Variants in FAM111B observed in about 807,000 individuals in gnomAD.
FAM111B encodes FAM111 trypsin like peptidase B, also known as serine protease FAM111B.
FAM111B carries 1 observed loss-of-function variant against 2.8 expected under a neutral mutation model. The ratio of observed to expected loss-of-function variants is 0.36; its 90% CI spans 0.13 to 1.70. The LOEUF (loss-of-function observed/expected upper bound fraction) is 1.70, where lower values mean the gene tolerates loss of function less well. Among genes scored for constraint, FAM111B ranks in the 40% most tolerant of loss-of-function variants. The pLI is 0.35. For missense variants in FAM111B, 882 were observed against 878.9 expected (o/e 1.00, Z -0.04); for synonymous variants, 297 against 295.6 (o/e 1.00, Z -0.05).
intron 3 of FAM111B, among the ~76,000 whole-genome samples, chr11:59,114,835 T>C (rs925066534): frequency 1.3e-5 from 2 of 152,046 alleles, no homozygotes; most frequent in African/African-American, 4.8e-5. Context: ...CGTGTGTGTG[T>C]GTGTTTTGAT....
In FAM111B at chr11:59,126,268, TTCAAGA is replaced by T. The variant is rs1326615073; in HGVS notation, c.2175_2180del (p.Gln725_Asp726del). 2 of 1,566,516 alleles carry T rather than the reference TTCAAGA, an allele frequency of 1.3e-6. No homozygotes were observed. Among genetic ancestry groups the T allele is most frequent in the African/African-American group, 2.8e-5 (2 of 72,582 alleles). On this transcript the variant is annotated inframe_deletion, in exon 4 of 4. Coordinates refer to ENST00000343597, the MANE Select transcript of FAM111B (RefSeq NM_198947.4). Reference sequence around the variant, plus strand: ...GAGAAAGGTAAACAAGAGTCATCACTTCAAGATCATCAGATTGAACCCATGGAATGT... The same window carrying T: ...GAGAAAGGTAAACAAGAGTCATCACTTCATCAGATTGAACCCATGGAATGT...
rs373339794 is a variant in FAM111B, at chr11:59,115,207, C to T, written c.81+5501C>T. 1.4e-3 allele frequency among the ~76,000 whole-genome samples: 211 copies of T among 152,222 alleles called. 4 individuals are homozygous for T. The South Asian group carries it at 0.04, about 29-fold the overall frequency. ...CTTTCTTTATGCTATTCTTCTTTCC[C>T]CAATCCTGGCCAGGCTTAGAAGTAG... is the stretch of plus-strand genomic sequence containing the variant. On this transcript the variant is annotated intron_variant, in intron 3 of 3. Transcript: ENST00000343597.
chr11:59,114,348 G>A (rs1412263025), intron 3 of FAM111B, among the ~76,000 whole-genome samples: 1 of 152,176 alleles, frequency 6.6e-6, no homozygotes, highest in Non-Finnish European at 1.5e-5. Context: ...GATGCTTGAA[G>A]GGATAGAAGA....
chr11:59,115,790 G>T (rs1202715798), intron 3 of FAM111B, among the ~76,000 whole-genome samples: 1 of 152,180 alleles, frequency 6.6e-6, no homozygotes, highest in East Asian at 1.9e-4. Flanking sequence ...AAGCAATGAG[G>T]TAAAGTCCTG....
rs566450561 is a variant in FAM111B at position 59,107,680 on chromosome 11, C to T, written c.-132+384C>T. Among the ~76,000 whole-genome samples, 5 of 152,244 alleles carry T rather than the reference C, an allele frequency of 3.3e-5. 1 individual carries two copies. The South Asian group carries it at 1.0e-3, about 32-fold the overall frequency. On this transcript the variant is annotated intron_variant, in intron 1 of 3. Coordinates refer to ENST00000343597, the MANE Select transcript of FAM111B (RefSeq NM_198947.4). ...CCTGGAGTGTAGTGTGAGGGTGCTT[C>T]TTAAGGTCTTTTAGGGCAGGTAGTT...
chr11:59,120,647 C>CA (rs1859906611), intron 3 of FAM111B, among the ~76,000 whole-genome samples: 3 of 152,108 alleles, frequency 2.0e-5, no homozygotes, highest in African/African-American at 7.2e-5. Flanking sequence ...TGTAGTTGGC[C>CA]ATGTTTTTCC....
intron 3 of FAM111B, among the ~76,000 whole-genome samples, chr11:59,110,297 G>A (rs1288928151): frequency 6.6e-6 from 1 of 152,088 alleles, no homozygotes; most frequent in African/African-American, 2.4e-5. Flanking sequence ...TTCAGACTTA[G>A]GAAACTACAG....
chr11:59,107,642 C>T (rs1451681641), intron 1 of FAM111B, among the ~76,000 whole-genome samples: 1 of 152,142 alleles, frequency 6.6e-6, no homozygotes, highest in East Asian at 1.9e-4. Flanking sequence ...TAGGAGAGCT[C>T]CTGCTCAAAG....
rs1399002489 is a variant in FAM111B at position 59,124,758 on chromosome 11, A to G, written c.661A>G (p.Ile221Val). 1.2e-6 allele frequency: 2 copies of G among 1,613,758 alleles called. No individual in the cohort carries two copies. Among genetic ancestry groups the G allele is most frequent in the Non-Finnish European group, 1.7e-6 (2 of 1,179,816 alleles). Reference sequence around the variant, plus strand: ...TATTTATGCCTTGAAGGGTGAGACTATTGAAGGAGCCTTATGCAAGGATGG... The same window carrying G: ...TATTTATGCCTTGAAGGGTGAGACTGTTGAAGGAGCCTTATGCAAGGATGG... ...LCIYALKGET[I>V]EGALCKDGRF... Residue 221 changes from isoleucine to valine, a missense_variant, in exon 4 of 4, where the codon ATT becomes GTT. Ile to Val is a conservative substitution (Grantham distance 29). Coordinates refer to ENST00000343597, the MANE Select transcript of FAM111B (RefSeq NM_198947.4).
intron 3 of FAM111B, among the ~76,000 whole-genome samples, chr11:59,121,206 T>A (rs1265932643): frequency 6.6e-6 from 1 of 152,112 alleles, no homozygotes; most frequent in Admixed American, 6.6e-5. Context: ...GAATAGATGT[T>A]TAACACATAT....
rs559223347 is a variant in FAM111B, at chr11:59,119,967, G to A, written c.82-4212G>A. On this transcript the variant is annotated intron_variant, in intron 3 of 3. Transcript: ENST00000343597. ...TTATAGATAAAATATTAGAATGATT[G>A]TAAAGTAGCATATTGGCTAGGGTTA... 3.3e-5 allele frequency among the ~76,000 whole-genome samples: 5 copies of A among 152,240 alleles called. No homozygotes were observed. The South Asian group carries it at 8.3e-4, about 25-fold the overall frequency.
rs1859726891 is a variant in FAM111B at position 59,109,636 on chromosome 11, TG to T, written c.12del (p.Met4IlefsTer28). The T allele has an allele frequency of 6.2e-7, 1 of 1,609,644 alleles. No homozygotes were observed. ...CTCTTTGAACTCATCATGAATTCCA[TG>T]AAGACTGAAGAAAACAAGTCATTTA... MNSMKTEENKSFSA... is the reference protein window; with the variant it reads MNSXKTEENKSFSA... On this transcript the variant is annotated frameshift_variant, in exon 3 of 4. Transcript: ENST00000343597. LOFTEE classifies it high-confidence loss of function.
At position 59,124,279 on chromosome 11, in the gene FAM111B, A is replaced by G. The variant is rs765718160; in HGVS notation, c.182A>G (p.Asn61Ser). 5.0e-6 allele frequency: 8 copies of G among 1,613,776 alleles called. No homozygotes were observed. In the Middle Eastern group the frequency reaches 4.9e-4, roughly 99 times the overall value. Residue 61 changes from asparagine (N) to serine (S), a missense_variant, in exon 4 of 4, where the codon AAC becomes AGC. Transcript: ENST00000343597. ...ACCTTTAAGCTTAAAAGTGAAGTCAACAAGCATGAAACAGCCCTTGAAATG... is the reference window on the plus strand; with the variant it reads ...ACCTTTAAGCTTAAAAGTGAAGTCAGCAAGCATGAAACAGCCCTTGAAATG... ...SSTFKLKSEVNKHETALEMQN... is the reference protein window; with the variant it reads ...SSTFKLKSEVSKHETALEMQN...
rs77189530 is a variant in FAM111B at position 59,117,452 on chromosome 11, A to G, written c.82-6727A>G. 9.5e-3 allele frequency among the ~76,000 whole-genome samples: 1,442 copies of G among 152,294 alleles called. 24 individuals carry two copies. Among genetic ancestry groups the G allele is most frequent in the African/African-American group, 0.033 (1,373 of 41,546 alleles). The stretch of plus-strand genomic sequence containing the variant: ...TTTTTCAAGGCTCCTTTAGGGATGC[A>G]AGTATGATTACCCCAAAAGGTTCCA... On this transcript the variant is annotated intron_variant, in intron 3 of 3. Coordinates refer to ENST00000343597, the MANE Select transcript of FAM111B (RefSeq NM_198947.4).
rs180866025 is a variant in FAM111B at position 59,127,224 on chromosome 11, G to A, written c.*922G>A. On this transcript the variant is annotated 3_prime_UTR_variant, in exon 4 of 4. Coordinates refer to ENST00000343597, the MANE Select transcript of FAM111B (RefSeq NM_198947.4). ...ACAAAGAAGAAAACAACAGATATGGGGCCTACTTGAGGGTGGAGGGTGGGA... is the reference window on the plus strand; with the variant it reads ...ACAAAGAAGAAAACAACAGATATGGAGCCTACTTGAGGGTGGAGGGTGGGA... 3 of 152,152 alleles carry A rather than the reference G, an allele frequency of 2.0e-5. No homozygotes were observed. Among genetic ancestry groups the A allele is most frequent in the African/African-American group, 4.8e-5 (2 of 41,514 alleles). 9.4% of individuals were successfully genotyped at this position (152,152 alleles called of 1,614,324 possible).
rs765615695 is a variant in FAM111B, at chr11:59,124,181, T to C, written c.84T>C (p.Asp28=). Residue 28 remains aspartate, a splice_region_variant and synonymous_variant, in exon 4 of 4, where the codon GAT becomes GAC. Transcript: ENST00000343597. ...CTCTTTAATCTTTCCTTTTTAAGGA[T>C]ACTGTCATGAAGCAGACACATGCTG... ...DQRTRPEVSK[D]TVMKQTHADT... 6.3e-7 allele frequency: 1 copy of C among 1,595,970 alleles called. No individual in the cohort carries two copies. The highest frequency in any genetic ancestry group is 1.1e-5 in the South Asian group (1 of 88,014).
At position 59,125,247 on chromosome 11, in the gene FAM111B, G is replaced by A; in HGVS notation, c.1150G>A (p.Ala384Thr). 6.2e-7 allele frequency: 1 copy of A among 1,613,806 alleles called. No homozygotes were observed. Among genetic ancestry groups the A allele is most frequent in the East Asian group, 2.2e-5 (1 of 44,882 alleles). The change falls in exon 4 of 4, where the codon GCA (alanine) becomes ACA (threonine). Residue 384 changes from alanine (A) to threonine (T), a missense_variant. Physicochemically the swap from Ala to Thr is moderately conservative, Grantham distance 58 (BLOSUM62 0). Coordinates refer to ENST00000343597, the MANE Select transcript of FAM111B (RefSeq NM_198947.4). ...YAINLDVQKE[A>T]INLLKNYQTL... ...TATTAATCTGGATGTCCAAAAGGAG[G>A]CAATTAATCTCTTAAAGAATTATCA... is the stretch of plus-strand genomic sequence containing the variant.
At chr11:59,111,319 C>T (rs1376513488) in intron 3 of FAM111B, among the ~76,000 whole-genome samples, 1 of 152,118 alleles carries the variant, frequency 6.6e-6, no homozygotes, top group South Asian at 2.1e-4. Context: ...TGTATGGCTC[C>T]TAAAAAGTGG....
At chr11:59,115,679 G>A (rs1055603612) in intron 3 of FAM111B, among the ~76,000 whole-genome samples, 2 of 152,098 alleles carry the variant, frequency 1.3e-5, no homozygotes, top group African/African-American at 4.8e-5. Context: ...AGTGTAGAGT[G>A]TGCAGGCCCA....
Sources: allele counts gnomAD v4.1 joint callset (sites outside exome capture counted in the v4.1 genomes callset), GRCh38; gene constraint gnomAD v4.1.1; transcripts MANE v1.5; gene names NCBI Gene and HGNC (gene_info 2026-07-23, HGNC 2026-07-21).